The following SLCO6A1 variants were observed in gnomAD, a reference collection of about 807,000 sequenced individuals.
The protein encoded by SLCO6A1 is cancer/testis antigen 48.
In SLCO6A1, 65 loss-of-function variants were observed where a neutral mutation model predicts 72.7. The ratio of observed to expected loss-of-function variants is 0.89; its 90% CI spans 0.73 to 1.10. The LOEUF (loss-of-function observed/expected upper bound fraction) is 1.10. Among genes scored for constraint, SLCO6A1 ranks in the 50% least tolerant of loss-of-function variants. The pLI is 0.00. For missense variants in SLCO6A1, 874 were observed against 872.6 expected, an observed-to-expected ratio of 1.00 and a Z score of -0.02; for synonymous variants, 314 against 298.2, an observed-to-expected ratio of 1.05 and a Z score of -0.55.
chr5:102,450,250 T>A (rs1750343211), intron 6 of SLCO6A1, among the ~76,000 whole-genome samples: 1 of 152,228 alleles, frequency 6.6e-6, no homozygotes. Context: ...TACTCATGTG[T>A]GTGGGCTATG....
intron 11 of SLCO6A1, among the ~76,000 whole-genome samples, chr5:102,389,636 T>C (rs1746636081): frequency 1.4e-5 from 2 of 142,304 alleles, no homozygotes; most frequent in Non-Finnish European, 3.1e-5. Flanking sequence ...CTATTTTTAA[T>C]TACTCAAGTT....
At chr5:102,466,359 T>C (rs996498988) in intron 4 of SLCO6A1, among the ~76,000 whole-genome samples, 31 of 152,158 alleles carry the variant, frequency 2.0e-4, no homozygotes, top group African/African-American at 7.5e-4. Flanking sequence ...CATGATCTTG[T>C]TCCTTTTTAT....
intron 11 of SLCO6A1, among the ~76,000 whole-genome samples, chr5:102,390,230 T>TACTG (rs1309268151): frequency 6.6e-6 from 1 of 152,216 alleles, no homozygotes; most frequent in South Asian, 2.1e-4. Flanking sequence ...ACTTCCTGTG[T>TACTG]ACTGACTGAC....
intron 12 of SLCO6A1, among the ~76,000 whole-genome samples, chr5:102,375,989 G>T (rs1379494347): frequency 1.3e-5 from 2 of 152,028 alleles, no homozygotes; most frequent in African/African-American, 4.8e-5. Context: ...CCATACTTAG[G>T]CACATTGTAG....
chr5:102,440,508 A>C (rs1436394725), intron 6 of SLCO6A1, among the ~76,000 whole-genome samples: 1 of 152,142 alleles, frequency 6.6e-6, no homozygotes, highest in Admixed American at 6.6e-5. Flanking sequence ...CACTGATTCT[A>C]CTTTATGGTG....
chr5:102,415,126 T>A (rs967283757), intron 8 of SLCO6A1, among the ~76,000 whole-genome samples: 1 of 152,022 alleles, frequency 6.6e-6, no homozygotes, highest in Non-Finnish European at 1.5e-5. Flanking sequence ...GTTAAAATGA[T>A]TTTACTGCCC....
chr5:102,413,787 A>T (rs192198251), intron 8 of SLCO6A1, among the ~76,000 whole-genome samples: 251 of 152,230 alleles, frequency 1.6e-3, no homozygotes, highest in African/African-American at 5.7e-3. Flanking sequence ...GTCTCTTTTT[A>T]AAAAAATGTT....
Position 102,413,134 on chromosome 5 carries a change from C to G in SLCO6A1, c.1482G>C (p.Lys494Asn). 1 of 1,558,694 alleles carries G rather than the reference C, an allele frequency of 6.4e-7. No individual in the cohort carries two copies. Among genetic ancestry groups the G allele is most frequent in the Non-Finnish European group, 8.6e-7 (1 of 1,161,258 alleles). ...TGCAAGGAGCCGTGAGGTTTCCCAA[C>G]TTCCCTGTTCTGTAAAAACAAGATT... ...GINEDYDGTG[K>N]LGNLTAPCNE... Residue 494 changes from lysine to asparagine, a missense_variant, in exon 9 of 14, where the codon AAG (lysine) becomes AAC (asparagine). By Grantham distance (94) the Lys-to-Asn change is moderately conservative. Coordinates refer to ENST00000506729, the MANE Select transcript of SLCO6A1 (RefSeq NM_173488.5).
In SLCO6A1 at chr5:102,389,086, C is replaced by T. The variant is rs553357831; in HGVS notation, c.1880-261G>A. Among the ~76,000 whole-genome samples, 10 of 152,214 alleles carry T rather than the reference C, an allele frequency of 6.6e-5. No individual in the cohort carries two copies. In the South Asian group the frequency reaches 1.2e-3, roughly 19 times the overall value. ...AATGTTGTACATGTTGCTATTTAAA[C>T]GACATCTCAATACTTTTATTGGCTT... is the stretch of plus-strand genomic sequence containing the variant. On this transcript the variant is annotated intron_variant, in intron 11 of 13. Coordinates refer to ENST00000506729, the MANE Select transcript of SLCO6A1 (RefSeq NM_173488.5).
In SLCO6A1 at chr5:102,373,407, G is replaced by A. The variant is rs1750734868; in HGVS notation, c.2105C>T (p.Pro702Leu). 6.3e-7 allele frequency: 1 copy of A among 1,583,038 alleles called. No individual in the cohort carries two copies. The highest frequency in any genetic ancestry group is 8.6e-7 in the Non-Finnish European group (1 of 1,166,814). The change falls in exon 13 of 14, where the codon CCA becomes CTA. Residue 702 changes from proline (P) to leucine (L), a missense_variant. Transcript: ENST00000506729. Reference protein sequence around the residue: ...KRRLNENTDFPDVTVKNPKVK... With the variant: ...KRRLNENTDFLDVTVKNPKVK... ...TTTTGGATTCTTCACAGTTACATCTGGGAAGTCAGTGTTCTCATTTAGACG... is the reference window on the plus strand; with the variant it reads ...TTTTGGATTCTTCACAGTTACATCTAGGAAGTCAGTGTTCTCATTTAGACG...
At chr5:102,485,830 G>A (rs1752422914) in intron 1 of SLCO6A1, among the ~76,000 whole-genome samples, 1 of 151,974 alleles carries the variant, frequency 6.6e-6, no homozygotes, top group African/African-American at 2.4e-5. Flanking sequence ...GTGGTCTTAG[G>A]GGCTTCTAAT....
chr5:102,391,188 G>A, intron 10 of SLCO6A1, 143 bp from the exon 11 acceptor site: 3 of 743,770 alleles, frequency 4.0e-6, no homozygotes, highest in Non-Finnish European at 4.5e-6. Flanking sequence ...AGTTTAAGCT[G>A]GCCTGTTAAA....
At chr5:102,448,767 C>T (rs181863406) in intron 6 of SLCO6A1, among the ~76,000 whole-genome samples, 1 of 152,260 alleles carries the variant, frequency 6.6e-6, no homozygotes, top group Admixed American at 6.5e-5. Context: ...GGTGTCCTTG[C>T]ATGCGAGATG....
intron 2 of SLCO6A1, 149 bp from the exon 3 acceptor site, chr5:102,478,010 T>A: frequency 1.3e-6 from 1 of 748,306 alleles, no homozygotes; most frequent in Non-Finnish European, 2.1e-6. Context: ...AATGTAGTAG[T>A]ACTGCAATCA....
chr5:102,399,238 TG>T, intron 10 of SLCO6A1, among the ~76,000 whole-genome samples: 1 of 150,968 alleles, frequency 6.6e-6, no homozygotes, highest in East Asian at 1.9e-4. Context: ...CCAATTATAA[TG>T]AGTTAACATT....
intron 12 of SLCO6A1, among the ~76,000 whole-genome samples, chr5:102,384,681 A>T (rs1348938403): frequency 6.6e-6 from 1 of 152,130 alleles, no homozygotes; most frequent in East Asian, 1.9e-4. Flanking sequence ...CTGTAGCTAT[A>T]GTTATTTTTT....
chr5:102,396,021 G>A (rs1189903785), intron 10 of SLCO6A1, among the ~76,000 whole-genome samples: 1 of 151,894 alleles, frequency 6.6e-6, no homozygotes, highest in Non-Finnish European at 1.5e-5. Flanking sequence ...AGTTTCTTTT[G>A]CTGTGCAGAA....
chr5:102,477,832 C>A lies in SLCO6A1; in HGVS notation c.646G>T (p.Gly216Cys), dbSNP rs756000135. ...DICEEIKVVS[G>C]CQSSGISFQS... is the part of the protein sequence containing the mutation. ...AATGATATACCACTGCTCTGGCAAC[C>A]ACTGACAACCTTTATTTCTTCGCAA... The change falls in exon 3 of 14, where the codon GGT becomes TGT. Residue 216 changes from glycine (G) to cysteine (C), a missense_variant. Gly to Cys is a radical substitution (Grantham distance 159). Coordinates refer to ENST00000506729, the MANE Select transcript of SLCO6A1 (RefSeq NM_173488.5). The A allele has an allele frequency of 2.5e-6, 4 of 1,606,588 alleles. No homozygotes were observed. The highest frequency in any genetic ancestry group is 2.5e-6 in the Non-Finnish European group (3 of 1,177,306).
At chr5:102,395,901 T>C (rs1441370200) in intron 10 of SLCO6A1, among the ~76,000 whole-genome samples, 2 of 152,212 alleles carry the variant, frequency 1.3e-5, no homozygotes, top group African/African-American at 4.8e-5. Context: ...TGTTTTTTTC[T>C]TGTAAATTTG....
Sources: allele counts gnomAD v4.1 joint callset (sites outside exome capture counted in the v4.1 genomes callset), GRCh38; gene constraint gnomAD v4.1.1; transcripts MANE v1.5; gene names NCBI Gene and HGNC (gene_info 2026-07-23, HGNC 2026-07-21).